The following SND1 variants were observed in gnomAD, a reference collection of about 807,000 sequenced individuals.
SND1 encodes staphylococcal nuclease domain-containing protein 1.
SND1 carries 38 observed loss-of-function variants against 121.7 expected under a neutral mutation model. The observed-to-expected ratio is 0.31, with a 90% confidence interval of 0.24 to 0.41. The LOEUF is 0.41. Ranked by LOEUF, SND1 falls within the 10% of genes least tolerant of loss-of-function variation. SND1 has a pLI of 1.00. For missense variants in SND1, 868 were observed against 1,184.6 expected (o/e 0.73, Z 3.92); for synonymous variants, 401 against 447.4 (o/e 0.90, Z 1.31).
intron 16 of SND1, among the ~76,000 whole-genome samples, chr7:128,011,278 G>A (rs553224849): frequency 6.6e-6 from 1 of 152,180 alleles, no homozygotes; most frequent in East Asian, 1.9e-4. Flanking sequence ...AGAGGTGCTT[G>A]AGGGCCCTGT....
At chr7:127,748,977 A>G (rs1797030204) in intron 10 of SND1, among the ~76,000 whole-genome samples, 1 of 152,096 alleles carries the variant, frequency 6.6e-6, no homozygotes, top group South Asian at 2.1e-4. Context: ...CCCCCCATGA[A>G]GTCAGAATTA....
At chr7:127,740,174 G>T (rs2116431935) in intron 10 of SND1, among the ~76,000 whole-genome samples, 1 of 152,234 alleles carries the variant, frequency 6.6e-6, no homozygotes, top group East Asian at 1.9e-4. Context: ...CTGCTGTAAG[G>T]GTAACTGGCT....
At chr7:127,939,439 A>G (rs1584680980) in intron 15 of SND1, among the ~76,000 whole-genome samples, 1 of 152,332 alleles carries the variant, frequency 6.6e-6, no homozygotes, top group East Asian at 1.9e-4. Flanking sequence ...AGTCATCACT[A>G]AAAATAAGAT....
intron 17 of SND1, among the ~76,000 whole-genome samples, chr7:128,077,660 A>T (rs996080603): frequency 3.3e-5 from 5 of 152,224 alleles, no homozygotes; most frequent in African/African-American, 1.2e-4. Flanking sequence ...CCCTGGCATC[A>T]GTCAGCTGGG....
At chr7:127,929,517 C>A (rs1057210726) in intron 15 of SND1, among the ~76,000 whole-genome samples, 188 bp downstream of exon 15, 1 of 152,142 alleles carries the variant, frequency 6.6e-6, no homozygotes, top group Non-Finnish European at 1.5e-5. Context: ...CACTGCACCC[C>A]CTTTCTGCTC....
intron 10 of SND1, among the ~76,000 whole-genome samples, chr7:127,764,189 A>G (rs187179367): frequency 6.6e-6 from 1 of 152,324 alleles, no homozygotes; most frequent in East Asian, 1.9e-4. Flanking sequence ...TAAACTGAAT[A>G]TTAGCGATTT....
chr7:127,754,171 C>A (rs1418681448), intron 10 of SND1, among the ~76,000 whole-genome samples: 1 of 152,104 alleles, frequency 6.6e-6, no homozygotes, highest in Admixed American at 6.5e-5. Flanking sequence ...AAAATGATTT[C>A]TCTGTTGGAA....
chr7:128,026,783 T>C (rs989235028), intron 16 of SND1, among the ~76,000 whole-genome samples: 2 of 152,150 alleles, frequency 1.3e-5, no homozygotes, highest in Admixed American at 6.5e-5. Flanking sequence ...CTGACCCATT[T>C]CCCCTGCTTT....
intron 14 of SND1, among the ~76,000 whole-genome samples, chr7:127,907,047 A>G (rs1481729036): frequency 6.6e-6 from 1 of 152,166 alleles, no homozygotes; most frequent in Non-Finnish European, 1.5e-5. Flanking sequence ...TGCCAATTAA[A>G]TTTCTCTCAG....
intron 1 of SND1, among the ~76,000 whole-genome samples, chr7:127,679,969 C>T (rs1164889506): frequency 6.6e-6 from 1 of 152,122 alleles, no homozygotes; most frequent in Non-Finnish European, 1.5e-5. Context: ...GAACCTGCCC[C>T]TGATAGTCAC....
chr7:128,035,021 C>T (rs560657713), intron 16 of SND1, among the ~76,000 whole-genome samples: 2 of 152,332 alleles, frequency 1.3e-5, no homozygotes, highest in African/African-American at 2.4e-5. Context: ...ATTGTTTTCA[C>T]TTGCAGTTTC....
chr7:127,850,622 GGTTGTT>G (rs1180891518), intron 12 of SND1, among the ~76,000 whole-genome samples: 6 of 152,130 alleles, frequency 3.9e-5, no homozygotes, highest in Admixed American at 2.6e-4. Flanking sequence ...CTAGAATGAG[GGTTGTT>G]GTTTTTTTCC....
intron 15 of SND1, among the ~76,000 whole-genome samples, chr7:127,943,008 C>A (rs1263409498): frequency 5.3e-5 from 8 of 152,142 alleles, no homozygotes. Flanking sequence ...AGGTTGGCCT[C>A]ACAGTGAACA....
At chr7:128,075,501 C>A (rs1390244215) in intron 17 of SND1, among the ~76,000 whole-genome samples, 1 of 152,196 alleles carries the variant, frequency 6.6e-6, no homozygotes, top group Non-Finnish European at 1.5e-5. Context: ...CAAAAAGAGT[C>A]GGGGGCTTTG....
intron 10 of SND1, among the ~76,000 whole-genome samples, chr7:127,804,837 T>C (rs1202108103): frequency 6.6e-6 from 1 of 152,184 alleles, no homozygotes; most frequent in Non-Finnish European, 1.5e-5. Flanking sequence ...GTTCAATTCA[T>C]TTTTCAAAAT....
intron 4 of SND1, among the ~76,000 whole-genome samples, chr7:127,700,434 A>G (rs1796081319): frequency 1.3e-5 from 2 of 152,192 alleles, no homozygotes; most frequent in South Asian, 4.1e-4. Context: ...GATTCAGTTT[A>G]TGCATACAGC....
Position 127,652,350 on chromosome 7 carries a change from CTCG to C in SND1, c.-22_-20del. The C allele has an allele frequency of 6.3e-7, 1 of 1,580,742 alleles. No individual in the cohort carries two copies. Among genetic ancestry groups the C allele is most frequent in the Non-Finnish European group, 8.6e-7 (1 of 1,162,798 alleles). On this transcript the variant is annotated 5_prime_UTR_variant, in exon 1 of 24. Coordinates refer to ENST00000354725, the MANE Select transcript of SND1 (RefSeq NM_014390.4). ...ACCTCCAGTCCGGCCAGCCGCTCCA[CTCG>C]TTGCCTTTGCATCTCCACACATGGC...
chr7:127,926,818 C>T (rs1185814050), intron 14 of SND1, among the ~76,000 whole-genome samples: 3 of 151,760 alleles, frequency 2.0e-5, no homozygotes, highest in Non-Finnish European at 4.4e-5. Context: ...CTCTCGATCT[C>T]CTGACCTCGT....
intron 16 of SND1, among the ~76,000 whole-genome samples, chr7:128,063,055 T>C (rs1793256812): frequency 6.6e-6 from 1 of 151,968 alleles, no homozygotes; most frequent in South Asian, 2.1e-4. Flanking sequence ...GCTCCGGGGG[T>C]CCAGGCTTCA....
Sources: gnomAD v4.1 joint callset for allele counts (sites outside exome capture counted in the v4.1 genomes callset) on GRCh38, gnomAD v4.1.1 for gene constraint, MANE v1.5 for transcripts, NCBI Gene and HGNC (gene_info 2026-07-23, HGNC 2026-07-21) for gene names.